The following ANKMY1 variants were observed in gnomAD, a reference collection of about 807,000 sequenced individuals.
ANKMY1 encodes ankyrin repeat and MYND domain containing 1, also known as ankyrin repeat and MYND domain-containing protein 1.
Under a neutral mutation model 102.0 loss-of-function variants are expected in ANKMY1, and 98 were observed. The observed-to-expected ratio is 0.96, with a 90% CI of 0.82 to 1.14. The LOEUF is 1.14. Ranked by LOEUF, ANKMY1 falls within the 50% of genes most tolerant of loss-of-function variation. The probability of loss-of-function intolerance (pLI) is 0.00; values close to 1 mark genes in which losing one functional copy is unlikely to be tolerated. For missense variants in ANKMY1, 1,330 were observed against 1,347.6 expected (o/e 0.99, Z 0.20); for synonymous variants, 582 against 559.9 (o/e 1.04, Z -0.56).
intron 16 of ANKMY1, 71 bp from the exon 17 acceptor site, chr2:240,481,168 G>GCA: frequency 6.4e-7 from 1 of 1,553,124 alleles, no homozygotes; most frequent in Non-Finnish European, 8.7e-7. Flanking sequence ...CCGCTGCCTG[G>GCA]GAGCTGTGCC....
chr2:240,538,158 G>A (rs2087380402), intron 4 of ANKMY1, among the ~76,000 whole-genome samples: 1 of 152,220 alleles, frequency 6.6e-6, no homozygotes, highest in African/African-American at 2.4e-5. Context: ...CGCCTCCTCT[G>A]ACTCCGCGTC....
At chr2:240,525,498 A>C (rs4398270) in intron 7 of ANKMY1, among the ~76,000 whole-genome samples, 187 bp downstream of exon 7, 111,784 of 152,106 alleles carry the variant, frequency 0.73, 41,477 homozygotes, top group East Asian at 0.86. Context: ...GAACACACAT[A>C]CCTTGGCATC....
intron 10 of ANKMY1, 137 bp downstream of exon 10, chr2:240,512,665 G>T: frequency 1.7e-6 from 2 of 1,206,408 alleles, no homozygotes; most frequent in Non-Finnish European, 2.2e-6. Context: ...TTGTTTCTAT[G>T]CAGGATTTCC....
chr2:240,510,497 C>A (rs1046092109), intron 11 of ANKMY1, among the ~76,000 whole-genome samples: 1 of 152,132 alleles, frequency 6.6e-6, no homozygotes, highest in African/African-American at 2.4e-5. Flanking sequence ...CTGACCTCTG[C>A]GACTCCTCCT....
In ANKMY1 at chr2:240,511,882, G is replaced by A. The variant is rs760469323; in HGVS notation, c.2265C>T (p.Cys755=). The A allele has an allele frequency of 1.0e-5, 16 of 1,590,530 alleles. 1 individual carries two copies. In the South Asian group the frequency reaches 1.2e-4, roughly 12 times the overall value. Residue 755 remains cysteine (C), a synonymous_variant, in exon 11 of 18, where the codon TGC becomes TGT. Coordinates refer to ENST00000401804, the MANE Select transcript of ANKMY1 (RefSeq NM_001282771.3). ...EGGRTALHMA[C]EREDDNKCAR... Reference sequence around the variant, plus strand: ...TCACCTTGTTGTCATCCTCCCGCTCGCAGGCCATGTGCAGAGCCGTCCTGC... The same window carrying A: ...TCACCTTGTTGTCATCCTCCCGCTCACAGGCCATGTGCAGAGCCGTCCTGC...
At chr2:240,519,578 G>C (rs1251851057) in intron 9 of ANKMY1, among the ~76,000 whole-genome samples, 1 of 152,174 alleles carries the variant, frequency 6.6e-6, no homozygotes, top group Non-Finnish European at 1.5e-5. Context: ...CAGAGCAGTG[G>C]AAATTCGGGA....
At chr2:240,515,987 G>A (rs968678225) in intron 9 of ANKMY1, among the ~76,000 whole-genome samples, 1 of 151,582 alleles carries the variant, frequency 6.6e-6, no homozygotes, top group Non-Finnish European at 1.5e-5. Flanking sequence ...GCCTCCCAAA[G>A]TGCTGGGATT....
intron 5 of ANKMY1, 139 bp downstream of exon 5, chr2:240,528,898 G>A: frequency 1.3e-6 from 1 of 787,014 alleles, no homozygotes; most frequent in Non-Finnish European, 2.1e-6. Flanking sequence ...GCCCACATCA[G>A]TCACTTAATG....
chr2:240,539,862 G>C (rs1440396025), intron 4 of ANKMY1, among the ~76,000 whole-genome samples: 1 of 152,174 alleles, frequency 6.6e-6, no homozygotes, highest in Non-Finnish European at 1.5e-5. Context: ...GAAAAACTGT[G>C]TGCTTAGCCA....
chr2:240,526,739 G>C, intron 5 of ANKMY1: 2 of 1,325,984 alleles, frequency 1.5e-6, no homozygotes, highest in East Asian at 3.3e-5. Context: ...GATTCATCTG[G>C]GTGTTTGCTA....
At chr2:240,534,229 G>T (rs553483265) in intron 4 of ANKMY1, among the ~76,000 whole-genome samples, 2 of 152,196 alleles carry the variant, frequency 1.3e-5, no homozygotes, top group Admixed American at 1.3e-4. Context: ...ATGCATCCTC[G>T]CCTAGAAGGC....
At chr2:240,477,298 AAGAG>A (rs1350750161), downstream of ANKMY1, among the ~76,000 whole-genome samples, 1 of 152,242 alleles carries the variant, frequency 6.6e-6, no homozygotes, top group Non-Finnish European at 1.5e-5. Context: ...CCTGGGTAAC[AAGAG>A]AGAAACTCTG....
At chr2:240,468,878 G>A in the ANKMY1 span, among the ~76,000 whole-genome samples, 1 of 152,134 alleles carries the variant, frequency 6.6e-6, no homozygotes, top group African/African-American at 2.4e-5. Context: ...CGGGCAGGAC[G>A]AAGGGCTGCA....
chr2:240,531,419 C>T (rs933472019), intron 4 of ANKMY1, among the ~76,000 whole-genome samples: 3 of 152,208 alleles, frequency 2.0e-5, no homozygotes, highest in African/African-American at 7.2e-5. Flanking sequence ...AGATATATGT[C>T]CACTTCCAAT....
chr2:240,526,098 A>G, intron 6 of ANKMY1, 131 bp downstream of exon 6: 1 of 1,158,248 alleles, frequency 8.6e-7, no homozygotes, highest in Non-Finnish European at 1.3e-6. Context: ...GGCGAGGTGG[A>G]GGTGTGGACA....
At chr2:240,474,594 GTGTC>G (rs1189698693), downstream of ANKMY1, among the ~76,000 whole-genome samples, 1 of 152,114 alleles carries the variant, frequency 6.6e-6, no homozygotes, top group African/African-American at 2.4e-5. Context: ...GTAGGATTCA[GTGTC>G]TGTTGTTCCC....
intron 15 of ANKMY1, among the ~76,000 whole-genome samples, chr2:240,491,984 CATTAA>C (rs921477976): frequency 1.3e-5 from 2 of 151,708 alleles, no homozygotes; most frequent in African/African-American, 4.8e-5. Context: ...TCTATTATTT[CATTAA>C]ATTAGTTTTC....
chr2:240,532,853 C>A (rs746480749), intron 4 of ANKMY1, among the ~76,000 whole-genome samples: 1 of 152,174 alleles, frequency 6.6e-6, no homozygotes, highest in Non-Finnish European at 1.5e-5. Context: ...TACAGGTGCA[C>A]GCCATCATGC....
chr2:240,521,486 T>C (rs1362501507), intron 8 of ANKMY1, among the ~76,000 whole-genome samples: 1 of 143,164 alleles, frequency 7.0e-6, no homozygotes, highest in African/African-American at 2.6e-5. Context: ...CTCGCGGTGT[T>C]ACAGCTTTTT....
Sources: allele counts gnomAD v4.1 joint callset (sites outside exome capture counted in the v4.1 genomes callset), GRCh38; gene constraint gnomAD v4.1.1; transcripts MANE v1.5; gene names NCBI Gene and HGNC (gene_info 2026-07-23, HGNC 2026-07-21).